The following FSTL4 variants were observed in gnomAD, a reference collection of about 807,000 sequenced individuals.
FSTL4 encodes follistatin-related protein 4.
A neutral mutation model predicts 78.2 loss-of-function variants in FSTL4; 28 were observed. The ratio of observed to expected loss-of-function variants is 0.36; its 90% CI spans 0.27 to 0.49. The LOEUF is 0.49. FSTL4 is among the 20% of genes least tolerant of loss of function. The pLI is 0.98. For synonymous variants in FSTL4, 422 were observed against 440.5 expected (o/e 0.96, Z 0.53); for missense variants, 922 against 1,084.9 (o/e 0.85, Z 2.11).
chr5:133,778,733 C>T, the FSTL4 span, among the ~76,000 whole-genome samples: 2 of 152,166 alleles, frequency 1.3e-5, no homozygotes, highest in Admixed American at 1.3e-4. Flanking sequence ...CAGAATTGGC[C>T]TCAGAAGGGT....
At position 133,397,125 on chromosome 5, in the gene FSTL4, G is replaced by A. The variant is rs2161201; in HGVS notation, c.409+3613C>T. 5.6e-3 allele frequency among the ~76,000 whole-genome samples: 846 copies of A among 152,342 alleles called. 10 individuals carry two copies. Among genetic ancestry groups the A allele is most frequent in the African/African-American group, 0.017 (699 of 41,572 alleles). On this transcript the variant is annotated intron_variant, in intron 4 of 15. Transcript: ENST00000265342. The stretch of plus-strand genomic sequence containing the variant: ...AGGGAAGCTCATCTTCGTGAACAGC[G>A]TAGGAGATAAAGCGTGAATTCAAAA...
At chr5:133,776,788 C>T in the FSTL4 span, among the ~76,000 whole-genome samples, 3 of 152,182 alleles carry the variant, frequency 2.0e-5, no homozygotes. Flanking sequence ...AGAGTTAGCA[C>T]CAAGGTAGGT....
the FSTL4 span, among the ~76,000 whole-genome samples, chr5:133,689,451 A>T: frequency 1.3e-5 from 2 of 152,160 alleles, no homozygotes; most frequent in Admixed American, 6.5e-5. Flanking sequence ...ATACATTTGC[A>T]TTTTTTTCCC....
intron 4 of FSTL4, among the ~76,000 whole-genome samples, chr5:133,366,592 G>A (rs1404162298): frequency 6.6e-6 from 1 of 151,960 alleles, no homozygotes; most frequent in Non-Finnish European, 1.5e-5. Flanking sequence ...TCTTCTGCCT[G>A]CTTCCCCATG....
the FSTL4 span, among the ~76,000 whole-genome samples, chr5:133,700,272 A>G: frequency 6.7e-6 from 1 of 148,518 alleles, no homozygotes; most frequent in Non-Finnish European, 1.5e-5. Flanking sequence ...ACACCAAACC[A>G]TCACACCAAG....
intron 1 of FSTL4, among the ~76,000 whole-genome samples, chr5:133,610,768 T>C (rs1367739624): frequency 1.3e-5 from 2 of 152,328 alleles, no homozygotes; most frequent in East Asian, 3.9e-4. Context: ...AAGACACTAT[T>C]AAAAAGCATC....
chr5:133,651,203 C>A, the FSTL4 span, among the ~76,000 whole-genome samples: 1 of 152,022 alleles, frequency 6.6e-6, no homozygotes, highest in Non-Finnish European at 1.5e-5. Flanking sequence ...TCATTTCTTT[C>A]TTTCCAATTT....
intron 7 of FSTL4, among the ~76,000 whole-genome samples, chr5:133,240,428 C>CTG: frequency 6.6e-6 from 1 of 152,210 alleles, no homozygotes; most frequent in Non-Finnish European, 1.5e-5. Context: ...TGGAAGAGGG[C>CTG]TGTTGTGGGC....
chr5:133,372,237 C>CTATG (rs1209646551), intron 4 of FSTL4, among the ~76,000 whole-genome samples: 3 of 87,756 alleles, frequency 3.4e-5, no homozygotes, highest in African/African-American at 1.1e-4. Context: ...ATCTATGTAT[C>CTATG]TATGTATCTA....
chr5:133,685,216 C>T, the FSTL4 span, among the ~76,000 whole-genome samples: 6 of 152,160 alleles, frequency 3.9e-5, no homozygotes, highest in African/African-American at 1.4e-4. Context: ...GGATGGGGCC[C>T]ATCCACTCTT....
the FSTL4 span, among the ~76,000 whole-genome samples, chr5:133,777,328 A>G: frequency 2.6e-5 from 4 of 152,254 alleles, no homozygotes; most frequent in South Asian, 8.3e-4. Context: ...TGTAAAATGC[A>G]TAAGGAAAAA....
At chr5:133,301,575 T>C (rs185063457) in intron 6 of FSTL4, among the ~76,000 whole-genome samples, 1 of 152,244 alleles carries the variant, frequency 6.6e-6, no homozygotes, top group African/African-American at 2.4e-5. Flanking sequence ...GCACCACCTG[T>C]GGAGGGGGAG....
intron 10 of FSTL4, chr5:133,224,470 G>A: frequency 2.9e-6 from 1 of 348,988 alleles, no homozygotes; most frequent in Non-Finnish European, 5.2e-6. Flanking sequence ...TAGGACCACA[G>A]AAGCTAATGG....
chr5:133,278,373 T>C lies in FSTL4; in HGVS notation c.728-28797A>G, dbSNP rs117818110. ...CCTCGGCTGCAGTCTTGGCTTGTGTTCCCAAATCCTACTTGTCCTCCAGCC... is the reference window on the plus strand; with the variant it reads ...CCTCGGCTGCAGTCTTGGCTTGTGTCCCCAAATCCTACTTGTCCTCCAGCC... On this transcript the variant is annotated intron_variant, in intron 6 of 15. Coordinates refer to ENST00000265342, the MANE Select transcript of FSTL4 (RefSeq NM_015082.2). 4.0e-3 allele frequency among the ~76,000 whole-genome samples: 603 copies of C among 152,312 alleles called. 10 individuals carry two copies. The highest frequency in any genetic ancestry group is 6.2e-3 in the East Asian group (32 of 5,184).
intron 2 of FSTL4, among the ~76,000 whole-genome samples, chr5:133,590,525 G>C (rs1760601170): frequency 6.6e-6 from 1 of 151,996 alleles, no homozygotes; most frequent in African/African-American, 2.4e-5. Flanking sequence ...CTAAGAAGAG[G>C]CATCTGGTCA....
At chr5:133,779,723 G>A in the FSTL4 span, among the ~76,000 whole-genome samples, 6 of 152,128 alleles carry the variant, frequency 3.9e-5, no homozygotes, top group Non-Finnish European at 7.4e-5. Context: ...AGATGACCCA[G>A]GCCCTGCCTA....
At chr5:133,408,127 TCAGCGG>T (rs1756401884) in intron 3 of FSTL4, among the ~76,000 whole-genome samples, 2 of 152,222 alleles carry the variant, frequency 1.3e-5, no homozygotes, top group South Asian at 4.1e-4. Flanking sequence ...GGGCCTTTAA[TCAGCGG>T]CAAATTGTGA....
At chr5:133,760,776 G>T in the FSTL4 span, among the ~76,000 whole-genome samples, 2 of 152,170 alleles carry the variant, frequency 1.3e-5, no homozygotes, top group African/African-American at 2.4e-5. Context: ...GGAAAAAAAA[G>T]CAAGAAAAAT....
chr5:133,348,479 A>G (rs1351970091), intron 4 of FSTL4, among the ~76,000 whole-genome samples: 1 of 152,238 alleles, frequency 6.6e-6, no homozygotes, highest in East Asian at 1.9e-4. Context: ...TTCTCCTGGG[A>G]GGAGCAGATC....
Sources: gnomAD v4.1 joint callset for allele counts (sites outside exome capture counted in the v4.1 genomes callset) on GRCh38, gnomAD v4.1.1 for gene constraint, MANE v1.5 for transcripts, NCBI Gene and HGNC (gene_info 2026-07-23, HGNC 2026-07-21) for gene names.